The following DCC variants were observed in gnomAD, a reference collection of about 807,000 sequenced individuals.
DCC encodes DCC netrin 1 receptor, also known as netrin receptor DCC.
In DCC, 58 loss-of-function variants were observed where a neutral mutation model predicts 172.5. That is an observed-to-expected ratio of 0.34 (90% CI 0.27 to 0.42). The LOEUF is 0.42. Ranked by LOEUF, DCC falls within the 10% of genes least tolerant of loss-of-function variation. The pLI is 1.00. For missense variants in DCC, 1,740 were observed against 1,791.0 expected (o/e 0.97, Z 0.51); for synonymous variants, 709 against 644.5 (o/e 1.10, Z -1.52).
chr18:53,173,336 T>C lies in DCC; in HGVS notation c.1419-5626T>C, dbSNP rs117631496. Among the ~76,000 whole-genome samples, 857 of 152,248 alleles carry C rather than the reference T, an allele frequency of 5.6e-3. 6 individuals carry two copies. The highest frequency in any genetic ancestry group is 0.023 in the Admixed American group (352 of 15,276). On this transcript the variant is annotated intron_variant, in intron 8 of 28. Transcript: ENST00000442544. ...AAAAGAATGCCTAAACCTCAGGCTA[T>C]ATCCAGATTCATACAGGGTGCTTTT...
chr18:52,519,642 C>T (rs2031747269), intron 1 of DCC, among the ~76,000 whole-genome samples: 1 of 152,156 alleles, frequency 6.6e-6, no homozygotes, highest in Admixed American at 6.5e-5. Context: ...TGTGTTGAAT[C>T]TTTTTGCTCT....
chr18:53,150,582 A>G (rs916275654), intron 7 of DCC, among the ~76,000 whole-genome samples: 1 of 152,200 alleles, frequency 6.6e-6, no homozygotes, highest in African/African-American at 2.4e-5. Flanking sequence ...CCCTGACAGG[A>G]GAGTTTGTCT....
At chr18:53,192,418 C>CTGTA (rs1317967179) in intron 9 of DCC, among the ~76,000 whole-genome samples, 1 of 151,902 alleles carries the variant, frequency 6.6e-6, no homozygotes, top group Non-Finnish European at 1.5e-5. Flanking sequence ...AAAAAAAGTA[C>CTGTA]TGTAGCACAG....
intron 8 of DCC, among the ~76,000 whole-genome samples, chr18:53,177,773 A>T (rs965964360): frequency 6.6e-6 from 1 of 152,172 alleles, no homozygotes; most frequent in African/African-American, 2.4e-5. Context: ...CCTCAACTAG[A>T]CTTCAGGGAA....
chr18:52,655,980 G>GCGTATATACA (rs1568277509), intron 1 of DCC, among the ~76,000 whole-genome samples: 4 of 120,742 alleles, frequency 3.3e-5, no homozygotes, highest in African/African-American at 1.3e-4. Context: ...GTGTGTGTGT[G>GCGTATATACA]TGTGTGTATA....
At chr18:53,417,340 AC>A (rs1320767191) in intron 21 of DCC, among the ~76,000 whole-genome samples, 1 of 152,120 alleles carries the variant, frequency 6.6e-6, no homozygotes, top group Non-Finnish European at 1.5e-5. Flanking sequence ...TTGAAATGGG[AC>A]TGTGCACAGC....
chr18:52,981,799 A>G (rs2041214845), intron 5 of DCC, among the ~76,000 whole-genome samples: 1 of 152,188 alleles, frequency 6.6e-6, no homozygotes. Context: ...AAAGATTAGG[A>G]TGATTCACAT....
rs58519628 is a variant in DCC, at chr18:53,349,531, A to T, written c.2359+9624A>T. 1.6e-3 allele frequency among the ~76,000 whole-genome samples: 237 copies of T among 152,274 alleles called. 1 individual carries two copies. The highest frequency in any genetic ancestry group is 5.4e-3 in the African/African-American group (225 of 41,572). ...ACTCCTGGTACCAATTTACTATGTT[A>T]GTCTATTTTCACACTGCTTGTAAGA... On this transcript the variant is annotated intron_variant, in intron 15 of 28. Transcript: ENST00000442544.
intron 2 of DCC, among the ~76,000 whole-genome samples, chr18:52,802,106 A>G (rs1313817283): frequency 6.6e-6 from 1 of 151,910 alleles, no homozygotes; most frequent in Non-Finnish European, 1.5e-5. Context: ...AAATAGTACT[A>G]TAGCATGGCA....
chr18:52,756,294 A>G (rs545799871), intron 2 of DCC, among the ~76,000 whole-genome samples: 24 of 152,216 alleles, frequency 1.6e-4, no homozygotes, highest in Non-Finnish European at 3.2e-4. Flanking sequence ...CATCCCCTCT[A>G]CTGTGTATCT....
At chr18:53,430,185 A>G (rs953057339) in intron 21 of DCC, among the ~76,000 whole-genome samples, 1 of 152,126 alleles carries the variant, frequency 6.6e-6, no homozygotes, top group Non-Finnish European at 1.5e-5. Context: ...TCAGAGAACA[A>G]ATTTTAAGAT....
At chr18:53,090,017 C>A (rs2042979662) in intron 7 of DCC, among the ~76,000 whole-genome samples, 2 of 152,066 alleles carry the variant, frequency 1.3e-5, no homozygotes, top group Non-Finnish European at 2.9e-5. Context: ...TACTTTCTCC[C>A]CACTCCCCTC....
intron 12 of DCC, among the ~76,000 whole-genome samples, chr18:53,230,779 A>G (rs1031217760): frequency 2.0e-5 from 3 of 151,980 alleles, no homozygotes; most frequent in African/African-American, 4.8e-5. Flanking sequence ...TGGAGATTCA[A>G]TTTAGAATAC....
intron 1 of DCC, among the ~76,000 whole-genome samples, chr18:52,685,549 G>C (rs2035817416): frequency 6.6e-6 from 1 of 152,084 alleles, no homozygotes; most frequent in African/African-American, 2.4e-5. Context: ...TCTCAGGAGT[G>C]AGTAACTTCT....
chr18:52,802,208 A>T (rs2038002200), intron 2 of DCC, among the ~76,000 whole-genome samples: 1 of 152,118 alleles, frequency 6.6e-6, no homozygotes, highest in Admixed American at 6.6e-5. Flanking sequence ...CCCCTGAGCC[A>T]TACAGATGAG....
At position 53,410,654 on chromosome 18, in the gene DCC, T is replaced by C. The variant is rs746031070; in HGVS notation, c.3130+8T>C. ...TCTTCAGGACTCTGAAAGGTTTGAA[T>C]AATTTCCTATTATGCTTTTCTTTTC... is the stretch of plus-strand genomic sequence containing the variant. On this transcript the variant is annotated splice_region_variant and intron_variant, in intron 20 of 28. Coordinates refer to ENST00000442544, the MANE Select transcript of DCC (RefSeq NM_005215.4). 1.3e-6 allele frequency: 2 copies of C among 1,512,300 alleles called. 1 individual carries two copies. The highest frequency in any genetic ancestry group is 3.4e-4 in the Middle Eastern group (2 of 5,890). The allele number at this position is 1,512,300 out of a possible 1,614,324, so 93.7% of individuals were successfully genotyped here.
At chr18:53,183,812 A>G (rs2055236799) in intron 9 of DCC, among the ~76,000 whole-genome samples, 1 of 152,016 alleles carries the variant, frequency 6.6e-6, no homozygotes, top group African/African-American at 2.4e-5. Flanking sequence ...GTTGTTAGGA[A>G]AAGAACAGAG....
chr18:52,687,059 A>T (rs1016249788), intron 1 of DCC, among the ~76,000 whole-genome samples: 8 of 152,008 alleles, frequency 5.3e-5, no homozygotes, highest in Admixed American at 2.6e-4. Context: ...AGTGTAATTA[A>T]TCTAGCCACT....
chr18:52,502,682 A>G (rs1337592504), intron 1 of DCC, among the ~76,000 whole-genome samples: 1 of 152,048 alleles, frequency 6.6e-6, no homozygotes, highest in East Asian at 1.9e-4. Flanking sequence ...AAGCTGACAA[A>G]TACTTACTTT....
Sources: allele counts gnomAD v4.1 joint callset (sites outside exome capture counted in the v4.1 genomes callset), GRCh38; gene constraint gnomAD v4.1.1; transcripts MANE v1.5; gene names NCBI Gene and HGNC (gene_info 2026-07-23, HGNC 2026-07-21).